Variants in VTI1A observed in about 807,000 individuals in gnomAD.
The protein encoded by VTI1A is vesicle transport through interaction with t-SNAREs homolog 1A.
A neutral mutation model predicts 34.9 loss-of-function variants in VTI1A; 22 were observed. The observed-to-expected ratio is 0.63, with a 90% CI of 0.45 to 0.90. The LOEUF (loss-of-function observed/expected upper bound fraction) is 0.90, where lower values mean the gene tolerates loss of function less well. VTI1A is among the 40% of genes least tolerant of loss of function. VTI1A has a pLI of 0.00. For missense variants in VTI1A, 268 were observed against 275.6 expected, an observed-to-expected ratio of 0.97 and a Z score of 0.20; for synonymous variants, 87 against 97.3, an observed-to-expected ratio of 0.89 and a Z score of 0.62.
At chr10:112,669,897 A>G (rs1371997752) in intron 7 of VTI1A, among the ~76,000 whole-genome samples, 1 of 152,160 alleles carries the variant, frequency 6.6e-6, no homozygotes, top group Non-Finnish European at 1.5e-5. Context: ...GAACCAATCA[A>G]ATGTCTAGTG....
chr10:112,528,422 G>A (rs1420728900), intron 4 of VTI1A, among the ~76,000 whole-genome samples: 1 of 151,902 alleles, frequency 6.6e-6, no homozygotes, highest in Non-Finnish European at 1.5e-5. Context: ...GATGTTATCA[G>A]CTTGAGTTCA....
Position 112,513,059 on chromosome 10 carries a change from T to A in VTI1A, c.265-14028T>A, listed in dbSNP as rs574112312. On this transcript the variant is annotated intron_variant, in intron 3 of 7. Coordinates refer to ENST00000393077, the MANE Select transcript of VTI1A (RefSeq NM_145206.4). ...TCCATATAATTTTAAGATTTTTTTTTAAATTCTGTGAAGACTGATTGATGG... is the reference window on the plus strand; with the variant it reads ...TCCATATAATTTTAAGATTTTTTTTAAAATTCTGTGAAGACTGATTGATGG... 5.9e-5 allele frequency among the ~76,000 whole-genome samples: 9 copies of A among 152,224 alleles called. No homozygotes were observed. The South Asian group carries it at 1.0e-3, about 18-fold the overall frequency.
the VTI1A span, among the ~76,000 whole-genome samples, chr10:112,848,643 C>G: frequency 6.6e-6 from 1 of 152,184 alleles, no homozygotes; most frequent in South Asian, 2.1e-4. Flanking sequence ...ATTCAAGAAA[C>G]AATTCAATTA....
At chr10:112,745,339 C>T (rs11196086) in intron 7 of VTI1A, among the ~76,000 whole-genome samples, 22,920 of 151,984 alleles carry the variant, frequency 0.15, 3,774 homozygotes, top group African/African-American at 0.41. Flanking sequence ...GAACATATCT[C>T]TCACTTTTTG....
At chr10:112,507,835 A>G (rs919235136) in intron 3 of VTI1A, among the ~76,000 whole-genome samples, 5 of 152,122 alleles carry the variant, frequency 3.3e-5, no homozygotes, top group African/African-American at 1.2e-4. Context: ...CAGCCCTTAA[A>G]AGTTTGCCAG....
chr10:112,854,853 C>T, the VTI1A span, among the ~76,000 whole-genome samples: 1 of 152,202 alleles, frequency 6.6e-6, no homozygotes, highest in East Asian at 1.9e-4. Flanking sequence ...GCACTCCCGT[C>T]TTCCTTCCTG....
chr10:112,827,880 A>G, the VTI1A span, among the ~76,000 whole-genome samples: 1 of 152,184 alleles, frequency 6.6e-6, no homozygotes, highest in Non-Finnish European at 1.5e-5. Context: ...TGAAACTTGG[A>G]AAGATAATAT....
intron 3 of VTI1A, among the ~76,000 whole-genome samples, chr10:112,470,387 A>G (rs1848035926): frequency 6.6e-6 from 1 of 152,100 alleles, no homozygotes; most frequent in South Asian, 2.1e-4. Flanking sequence ...AAAGTAAGAG[A>G]CTCAAAGTAG....
downstream of VTI1A, among the ~76,000 whole-genome samples, chr10:112,819,019 A>ATATT (rs1853600850): frequency 6.6e-6 from 1 of 152,208 alleles, no homozygotes; most frequent in Non-Finnish European, 1.5e-5. Context: ...GCACACTTTA[A>ATATT]TATTTAATTA....
At chr10:112,472,863 C>G (rs1046045965) in intron 3 of VTI1A, among the ~76,000 whole-genome samples, 1 of 151,982 alleles carries the variant, frequency 6.6e-6, no homozygotes, top group Non-Finnish European at 1.5e-5. Context: ...ATTTTCTTTA[C>G]TGTGTACACT....
chr10:112,853,573 C>T, the VTI1A span, among the ~76,000 whole-genome samples: 7 of 152,198 alleles, frequency 4.6e-5, no homozygotes, highest in African/African-American at 1.7e-4. Context: ...CCACATTCCA[C>T]AGGTGGCCAG....
chr10:112,677,742 GC>G (rs1848079355), intron 7 of VTI1A: 1 of 152,242 alleles, frequency 6.6e-6, no homozygotes, highest in Non-Finnish European at 1.5e-5. Flanking sequence ...ACATACATGG[GC>G]CCTTGATAAC....
intron 1 of VTI1A, among the ~76,000 whole-genome samples, chr10:112,457,745 A>G (rs181301544): frequency 3.2e-4 from 49 of 152,260 alleles, no homozygotes; most frequent in African/African-American, 1.2e-3. Flanking sequence ...CAAGGACTGA[A>G]CTCCAAGGAA....
intron 7 of VTI1A, among the ~76,000 whole-genome samples, chr10:112,756,709 G>A (rs754355303): frequency 1.3e-5 from 2 of 152,054 alleles, no homozygotes; most frequent in Admixed American, 6.6e-5. Flanking sequence ...TAGGCCAATA[G>A]AGATATCCAG....
chr10:112,526,763 A>C (rs1239979367), intron 3 of VTI1A, among the ~76,000 whole-genome samples: 1 of 152,096 alleles, frequency 6.6e-6, no homozygotes, highest in Non-Finnish European at 1.5e-5. Context: ...TTTTACAGAC[A>C]TGCAGTTATA....
chr10:112,475,095 T>C (rs1848235403), intron 3 of VTI1A, among the ~76,000 whole-genome samples: 1 of 152,242 alleles, frequency 6.6e-6, no homozygotes, highest in Admixed American at 6.5e-5. Flanking sequence ...ATTAGAATAA[T>C]ATTATGTGTT....
intron 7 of VTI1A, among the ~76,000 whole-genome samples, chr10:112,680,855 A>C (rs1848188010): frequency 6.6e-6 from 1 of 152,142 alleles, no homozygotes; most frequent in South Asian, 2.1e-4. Context: ...TTTCCTTCTC[A>C]TGGCAGCTTC....
At chr10:112,597,775 G>A (rs1365029698) in intron 5 of VTI1A, among the ~76,000 whole-genome samples, 2 of 135,728 alleles carry the variant, frequency 1.5e-5, no homozygotes, top group African/African-American at 5.6e-5. Context: ...TCGGCTCACT[G>A]CAAGCTCCGC....
At chr10:112,470,986 G>A (rs888635683) in intron 3 of VTI1A, among the ~76,000 whole-genome samples, 2 of 152,164 alleles carry the variant, frequency 1.3e-5, no homozygotes, top group African/African-American at 4.8e-5. Context: ...GGGTCAGGGT[G>A]GGGGCGCTCA....
Sources: allele counts gnomAD v4.1 joint callset (sites outside exome capture counted in the v4.1 genomes callset), GRCh38; gene constraint gnomAD v4.1.1; transcripts MANE v1.5; gene names NCBI Gene and HGNC (gene_info 2026-07-23, HGNC 2026-07-21).